The following FBXO38 variants were observed in gnomAD, a reference collection of about 807,000 sequenced individuals.
FBXO38 encodes F-box only protein 38.
Under a neutral mutation model 131.9 loss-of-function variants are expected in FBXO38, and 53 were observed. The observed-to-expected ratio is 0.40, with a 90% confidence interval of 0.32 to 0.51. FBXO38 has a LOEUF of 0.51. FBXO38 is among the 20% of genes least tolerant of loss of function. FBXO38 has a pLI of 0.53. For synonymous variants in FBXO38, 452 were observed against 505.6 expected (o/e 0.89, Z 1.42); for missense variants, 1,076 against 1,475.6 (o/e 0.73, Z 4.44).
At chr5:148,394,932 G>A (rs761916498) in intron 2 of FBXO38, 28 bp downstream of exon 2, 2 of 1,542,544 alleles carry the variant, frequency 1.3e-6, no homozygotes, top group Non-Finnish European at 1.7e-6. Flanking sequence ...TGGCTTACCT[G>A]CCTGGAATGG....
At chr5:148,428,022 C>A in intron 15 of FBXO38, 75 bp downstream of exon 15, 1 of 1,392,614 alleles carries the variant, frequency 7.2e-7, no homozygotes, top group South Asian at 2.1e-5. Flanking sequence ...CATGAGTTTT[C>A]TTACAAAAAG....
At chr5:148,410,311 T>G (rs1752678182) in intron 8 of FBXO38, 2 of 277,280 alleles carry the variant, frequency 7.2e-6, no homozygotes, top group Non-Finnish European at 1.4e-5. Context: ...CTCATGATAG[T>G]GAATAAGTCT....
intron 15 of FBXO38, among the ~76,000 whole-genome samples, chr5:148,428,875 T>A (rs1037470943): frequency 2.4e-4 from 37 of 152,256 alleles, no homozygotes; most frequent in Admixed American, 2.3e-3. Flanking sequence ...TGAGTTTTAT[T>A]TGAAGACTTT....
At chr5:148,428,938 C>A (rs1311742378) in intron 15 of FBXO38, among the ~76,000 whole-genome samples, 1 of 152,138 alleles carries the variant, frequency 6.6e-6, no homozygotes, top group East Asian at 1.9e-4. Flanking sequence ...CTTTTCCCAG[C>A]TTAAATTGTA....
chr5:148,397,982 G>A (rs538279700), intron 2 of FBXO38, among the ~76,000 whole-genome samples: 1 of 152,154 alleles, frequency 6.6e-6, no homozygotes, highest in African/African-American at 2.4e-5. Flanking sequence ...TGAAGAATTT[G>A]TCTAGGGGAT....
intron 5 of FBXO38, among the ~76,000 whole-genome samples, chr5:148,403,629 A>G (rs539534452): frequency 4.6e-5 from 7 of 152,262 alleles, no homozygotes; most frequent in Admixed American, 1.3e-4. Flanking sequence ...ATTTGTTGCT[A>G]TACAATGTGT....
chr5:148,388,732 G>A (rs1484374969), intron 1 of FBXO38, among the ~76,000 whole-genome samples: 1 of 152,164 alleles, frequency 6.6e-6, no homozygotes, highest in African/African-American at 2.4e-5. Flanking sequence ...TAGGGAATGT[G>A]GCTGGTTTGA....
chr5:148,416,676 A>G lies in FBXO38; in HGVS notation c.1408-318A>G, dbSNP rs116718538. ...ATTCCCACTGTTGAAGCAGTACAAT[A>G]TAATGGGGAAAGCTCAGGATTTAAG... On this transcript the variant is annotated intron_variant, in intron 11 of 21. Coordinates refer to ENST00000340253, the MANE Select transcript of FBXO38 (RefSeq NM_205836.3). 2,098 of 331,914 alleles carry G rather than the reference A, an allele frequency of 6.3e-3. 9 individuals are homozygous for G. The highest frequency in any genetic ancestry group is 9.4e-3 in the Middle Eastern group (10 of 1,064). The allele number at this position is 331,914 out of a possible 1,614,324, so 20.6% of individuals were successfully genotyped here.
At chr5:148,434,478 C>A (rs1363315162) in intron 17 of FBXO38, 2 of 151,990 alleles carry the variant, frequency 1.3e-5, no homozygotes, top group African/African-American at 2.4e-5. Flanking sequence ...TTGCCTTGGG[C>A]AAGTTATATA....
chr5:148,388,193 TTAG>T (rs2113478106), intron 1 of FBXO38, among the ~76,000 whole-genome samples: 1 of 152,356 alleles, frequency 6.6e-6, no homozygotes, highest in East Asian at 1.9e-4. Context: ...GCAGTAGATC[TTAG>T]TAGAAGTCTT....
intron 2 of FBXO38, among the ~76,000 whole-genome samples, chr5:148,397,240 C>T (rs1758529679): frequency 6.6e-6 from 1 of 152,152 alleles, no homozygotes; most frequent in Non-Finnish European, 1.5e-5. Context: ...CCCTGCTATG[C>T]TCTCTTTTCT....
At position 148,395,945 on chromosome 5, in the gene FBXO38, G is replaced by A. The variant is rs549813362; in HGVS notation, c.128+1041G>A. Among the ~76,000 whole-genome samples the A allele has an allele frequency of 5.3e-4, 81 of 152,114 alleles. 1 individual carries two copies. The South Asian group carries it at 0.016, about 29-fold the overall frequency. On this transcript the variant is annotated intron_variant, in intron 2 of 21. Transcript: ENST00000340253. ...CCATTATTTTAGGTAGTTTACCTAT[G>A]AAAAATTTCCATATATGAAGTTCTT...
intron 1 of FBXO38, chr5:148,390,020 C>T (rs1466258458): frequency 1.3e-5 from 2 of 149,416 alleles, no homozygotes; most frequent in African/African-American, 5.0e-5. Context: ...CACAGCGAGA[C>T]TCTGTCTTAA....
At chr5:148,431,978 A>G (rs1216161700) in intron 15 of FBXO38, among the ~76,000 whole-genome samples, 2 of 152,192 alleles carry the variant, frequency 1.3e-5, no homozygotes, top group Non-Finnish European at 2.9e-5. Flanking sequence ...TGGTGTGTAA[A>G]AAAATCACTT....
In FBXO38 at chr5:148,416,086, G is replaced by A; in HGVS notation, c.1407+16G>A. The stretch of plus-strand genomic sequence containing the variant: ...ACCACCCAAGGTAAGATACATTTGA[G>A]GGAGTTTTTGTTTATTTTGATAGGA... On this transcript the variant is annotated intron_variant, in intron 11 of 21. Transcript: ENST00000340253. 2 of 1,513,654 alleles carry A rather than the reference G, an allele frequency of 1.3e-6. No homozygotes were observed. Among genetic ancestry groups the A allele is most frequent in the African/African-American group, 1.4e-5 (1 of 70,234 alleles). 93.8% of individuals were successfully genotyped at this position (1,513,654 alleles called of 1,614,324 possible).
chr5:148,389,669 T>G (rs777145925), intron 1 of FBXO38: 1 of 152,206 alleles, frequency 6.6e-6, no homozygotes, highest in Admixed American at 6.5e-5. Context: ...GGCAGTTTTC[T>G]CCTCACTTTC....
chr5:148,419,686 G>A (rs944938753), intron 12 of FBXO38, among the ~76,000 whole-genome samples: 1 of 152,158 alleles, frequency 6.6e-6, no homozygotes, highest in Non-Finnish European at 1.5e-5. Context: ...AGGATGTAGT[G>A]AGTTATGATC....
chr5:148,409,811 A>T (rs772261760), intron 8 of FBXO38, among the ~76,000 whole-genome samples: 1 of 152,166 alleles, frequency 6.6e-6, no homozygotes, highest in Non-Finnish European at 1.5e-5. Context: ...CCATCAAGAG[A>T]CTTGATTAGG....
intron 5 of FBXO38, among the ~76,000 whole-genome samples, chr5:148,402,991 G>A (rs1455263529): frequency 6.6e-6 from 1 of 152,080 alleles, no homozygotes; most frequent in Non-Finnish European, 1.5e-5. Context: ...AACTCAGGTG[G>A]TACAGGGAGA....
Sources: allele counts gnomAD v4.1 joint callset (sites outside exome capture counted in the v4.1 genomes callset), GRCh38; gene constraint gnomAD v4.1.1; transcripts MANE v1.5; gene names NCBI Gene and HGNC (gene_info 2026-07-23, HGNC 2026-07-21).